MYO18B: variants seen among roughly 807,000 people sequenced by gnomAD.
MYO18B encodes unconventional myosin-XVIIIb.
MYO18B carries 204 observed loss-of-function variants against 273.0 expected under a neutral mutation model. The observed-to-expected ratio is 0.75, with a 90% CI of 0.67 to 0.84. The LOEUF (loss-of-function observed/expected upper bound fraction) is 0.84, where lower values mean the gene tolerates loss of function less well. MYO18B is among the 40% of genes least tolerant of loss of function. The pLI is 0.00. For missense variants in MYO18B, 3,212 were observed against 3,287.6 expected (o/e 0.98, Z 0.56); for synonymous variants, 1,330 against 1,305.7 (o/e 1.02, Z -0.40).
chr22:26,022,639 T>C (rs1393378365), intron 42 of MYO18B, among the ~76,000 whole-genome samples: 8 of 151,638 alleles, frequency 5.3e-5, no homozygotes, highest in Admixed American at 5.2e-4. Flanking sequence ...TCCAGCCCCC[T>C]AGGAGTCTAC....
intron 11 of MYO18B, among the ~76,000 whole-genome samples, chr22:25,796,460 G>T (rs1333732580): frequency 6.6e-6 from 1 of 152,052 alleles, no homozygotes; most frequent in African/African-American, 2.4e-5. Flanking sequence ...TCTGGGCATG[G>T]CAGTGTGCAC....
intron 13 of MYO18B, among the ~76,000 whole-genome samples, chr22:25,824,951 T>C (rs1249579596): frequency 6.8e-6 from 1 of 147,344 alleles, no homozygotes; most frequent in Non-Finnish European, 1.5e-5. Flanking sequence ...GGCACACATA[T>C]ACTGCAAGCA....
the MYO18B span, among the ~76,000 whole-genome samples, chr22:26,055,864 T>C: frequency 5.1e-3 from 782 of 152,300 alleles, 5 homozygotes; most frequent in African/African-American, 0.016. Flanking sequence ...GGACTTTAGA[T>C]GTCAAACTGG....
At chr22:26,050,645 C>T in the MYO18B span, among the ~76,000 whole-genome samples, 11,223 of 152,170 alleles carry the variant, frequency 0.074, 811 homozygotes, top group African/African-American at 0.19. Flanking sequence ...AGCTCTGCTA[C>T]GTCCCGGTTC....
intron 10 of MYO18B, among the ~76,000 whole-genome samples, chr22:25,784,921 G>C (rs1448771461): frequency 6.6e-6 from 1 of 152,174 alleles, no homozygotes; most frequent in East Asian, 1.9e-4. Context: ...GGGCTCGAGG[G>C]GCCAACAGAC....
intron 11 of MYO18B, among the ~76,000 whole-genome samples, chr22:25,790,068 G>A (rs1000373898): frequency 1.3e-5 from 2 of 152,176 alleles, no homozygotes; most frequent in African/African-American, 4.8e-5. Flanking sequence ...CAGGAGAATC[G>A]CCTGAATCCA....
chr22:26,014,878 A>C (rs1249765012), intron 42 of MYO18B, among the ~76,000 whole-genome samples: 1 of 149,716 alleles, frequency 6.7e-6, no homozygotes, highest in African/African-American at 2.5e-5. Context: ...GTGTCTGTGC[A>C]TGTCCTTTGC....
At position 25,781,719 on chromosome 22, in the gene MYO18B, C is replaced by G. The variant is rs369089158; in HGVS notation, c.2212-15C>G. On this transcript the variant is annotated splice_polypyrimidine_tract_variant and intron_variant, in intron 9 of 43. Transcript: ENST00000335473. ...CCCAAAGCACTGACTGGGTGCCCCT[C>G]TTCTCTCCCTGCAGACAATGCTTTT... 21 of 1,510,850 alleles carry G rather than the reference C, an allele frequency of 1.4e-5. No individual in the cohort carries two copies. Among genetic ancestry groups the G allele is most frequent in the Middle Eastern group, 1.8e-4 (1 of 5,656 alleles). 93.6% of individuals were successfully genotyped at this position (1,510,850 alleles called of 1,614,324 possible).
chr22:26,043,246 T>A, the MYO18B span, among the ~76,000 whole-genome samples: 1 of 152,166 alleles, frequency 6.6e-6, no homozygotes, highest in Non-Finnish European at 1.5e-5. Context: ...TTGTTTTTTT[T>A]ATTGCTGAGT....
intron 39 of MYO18B, among the ~76,000 whole-genome samples, chr22:25,991,276 AG>A (rs2093267825): frequency 6.6e-6 from 1 of 152,210 alleles, no homozygotes; most frequent in Admixed American, 6.5e-5. Context: ...AATTACCAGG[AG>A]GTTAGATGCT....
chr22:25,947,171 A>G (rs1173792330), intron 35 of MYO18B, among the ~76,000 whole-genome samples: 1 of 151,982 alleles, frequency 6.6e-6, no homozygotes, highest in Non-Finnish European at 1.5e-5. Flanking sequence ...ATGAATGTAC[A>G]TATTCACGTG....
In MYO18B at chr22:25,761,092, C is replaced by A; in HGVS notation, c.-1C>A. ...TCTCACGGCCCTGGCACTGCCTCAG[C>A]ATGGCCATCTCATCACGCCTCGCCC... On this transcript the variant is annotated 5_prime_UTR_variant, in exon 2 of 44. Transcript: ENST00000335473. 1.2e-6 allele frequency: 2 copies of A among 1,613,562 alleles called. No homozygotes were observed. Among genetic ancestry groups the A allele is most frequent in the Non-Finnish European group, 1.7e-6 (2 of 1,179,864 alleles).
intron 42 of MYO18B, among the ~76,000 whole-genome samples, 191 bp from the exon 43 acceptor site, chr22:26,026,254 A>G (rs1936230959): frequency 6.6e-6 from 1 of 152,240 alleles, no homozygotes; most frequent in African/African-American, 2.4e-5. Flanking sequence ...TTGCATTCGG[A>G]AAGCAACAAG....
At chr22:25,809,527 A>G (rs74619342) in intron 12 of MYO18B, among the ~76,000 whole-genome samples, 9,997 of 152,116 alleles carry the variant, frequency 0.066, 576 homozygotes, top group East Asian at 0.21. Context: ...TTAATATACG[A>G]CGCAGTCAGA....
At chr22:25,938,366 A>G (rs1362397644) in intron 34 of MYO18B, among the ~76,000 whole-genome samples, 1 of 152,244 alleles carries the variant, frequency 6.6e-6, no homozygotes, top group Non-Finnish European at 1.5e-5. Flanking sequence ...TGAATGAAAC[A>G]GAGGTGGGTG....
At chr22:25,908,831 C>T (rs1360757087) in intron 32 of MYO18B, among the ~76,000 whole-genome samples, 1 of 152,176 alleles carries the variant, frequency 6.6e-6, no homozygotes, top group Non-Finnish European at 1.5e-5. Flanking sequence ...TGTAAGAAAG[C>T]AATAACCCCT....
intron 41 of MYO18B, 81 bp downstream of exon 41, chr22:26,003,390 C>T: frequency 8.1e-7 from 1 of 1,232,326 alleles, no homozygotes; most frequent in Non-Finnish European, 1.2e-6. Flanking sequence ...GAGGGAACAT[C>T]CATGTCCACT....
At chr22:25,975,524 C>T (rs1013872430) in intron 39 of MYO18B, among the ~76,000 whole-genome samples, 5 of 152,284 alleles carry the variant, frequency 3.3e-5, no homozygotes, top group African/African-American at 1.2e-4. Context: ...GCACTTTCAA[C>T]CTTATGAGCA....
chr22:25,903,828 G>A lies in MYO18B; in HGVS notation c.5145G>A (p.Glu1715=), dbSNP rs778575916. ...AGGAAAACACCATCAAGCAGCTGGA[G>A]CAGGTAGGAAAGCCCTGTCTCAGGG... ...SQQENTIKQL[E]QLRQRFELEI... The change falls in exon 31 of 44, where the codon GAG becomes GAA. Residue 1715 remains glutamate (E), a synonymous_variant. Coordinates refer to ENST00000335473, the MANE Select transcript of MYO18B (RefSeq NM_032608.7). 3.8e-6 allele frequency: 6 copies of A among 1,595,628 alleles called. No individual in the cohort carries two copies. In the Admixed American group the frequency reaches 8.7e-5, roughly 23 times the overall value.
Sources: gnomAD v4.1 joint callset for allele counts (sites outside exome capture counted in the v4.1 genomes callset) on GRCh38, gnomAD v4.1.1 for gene constraint, MANE v1.5 for transcripts, NCBI Gene and HGNC (gene_info 2026-07-23, HGNC 2026-07-21) for gene names.